ACTR3: variants seen among roughly 807,000 people sequenced by gnomAD.
ACTR3 encodes the protein actin-related protein 3.
ACTR3 carries 12 observed loss-of-function variants against 56.8 expected under a neutral mutation model. That is an observed-to-expected ratio of 0.21 (90% CI 0.14 to 0.34). The LOEUF (loss-of-function observed/expected upper bound fraction) is 0.34, where lower values mean the gene tolerates loss of function less well. Ranked by LOEUF, ACTR3 falls within the 10% of genes least tolerant of loss-of-function variation. ACTR3 has a pLI of 1.00. For missense variants in ACTR3, 282 were observed against 512.5 expected (o/e 0.55, Z 4.34); for synonymous variants, 162 against 167.4 (o/e 0.97, Z 0.25).
chr2:113,916,877 T>A lies in ACTR3; in HGVS notation c.101-7T>A. ...GAATTCTTTGACATGTCTAACTTAT[T>A]TTAAAGGTATTGCTATTAAGGAGTC... On this transcript the variant is annotated splice_polypyrimidine_tract_variant and splice_region_variant and intron_variant, in intron 2 of 11. Coordinates refer to ENST00000263238, the MANE Select transcript of ACTR3 (RefSeq NM_005721.5). 1 of 1,591,520 alleles carries A rather than the reference T, an allele frequency of 6.3e-7. No homozygotes were observed. Among genetic ancestry groups the A allele is most frequent in the Non-Finnish European group, 8.5e-7 (1 of 1,169,592 alleles).
intron 4 of ACTR3, among the ~76,000 whole-genome samples, chr2:113,928,248 A>G (rs949627191): frequency 6.6e-6 from 1 of 152,124 alleles, no homozygotes; most frequent in Non-Finnish European, 1.5e-5. Flanking sequence ...GAACCATACT[A>G]TGGACACTCA....
intron 3 of ACTR3, among the ~76,000 whole-genome samples, chr2:113,921,713 G>GA (rs1018665164): frequency 6.6e-6 from 1 of 152,174 alleles, no homozygotes; most frequent in African/African-American, 2.4e-5. Flanking sequence ...GTAGAGAGGA[G>GA]AAAATAAGTT....
intron 8 of ACTR3, among the ~76,000 whole-genome samples, chr2:113,948,833 C>T (rs993142731): frequency 2.0e-5 from 3 of 151,568 alleles, no homozygotes; most frequent in Non-Finnish European, 2.9e-5. Context: ...TCTGAAGTGT[C>T]TTTTACATCC....
intron 1 of ACTR3, chr2:113,890,608 G>C (rs950127526): frequency 2.3e-6 from 3 of 1,309,670 alleles, no homozygotes; most frequent in Non-Finnish European, 2.9e-6. Context: ...ACTACGGTGG[G>C]CAGCGCCGCC....
intron 6 of ACTR3, among the ~76,000 whole-genome samples, chr2:113,938,640 C>T (rs1679869911): frequency 6.6e-6 from 1 of 152,104 alleles, no homozygotes; most frequent in Non-Finnish European, 1.5e-5. Context: ...CTATTTCTGG[C>T]TATGTGTGAG....
At position 113,961,173 on chromosome 2, in the gene ACTR3, GAT is replaced by G. The variant is rs1680318476; in HGVS notation, c.*3721_*3722del. ...CTTTTCCACGTAATTTGTTTTCTAT[GAT>G]ATGAGAACTTTTATTATAATTTGCC... On this transcript the variant is annotated 3_prime_UTR_variant, in exon 12 of 12. Coordinates refer to ENST00000263238, the MANE Select transcript of ACTR3 (RefSeq NM_005721.5). 1 of 151,892 alleles carries G rather than the reference GAT, an allele frequency of 6.6e-6. No individual in the cohort carries two copies. The highest frequency in any genetic ancestry group is 6.6e-5 in the Admixed American group (1 of 15,206). The allele number at this position is 151,892 out of a possible 1,614,324, so 9.4% of individuals were successfully genotyped here.
At chr2:113,901,527 A>G (rs1222491771) in intron 1 of ACTR3, among the ~76,000 whole-genome samples, 1 of 152,244 alleles carries the variant, frequency 6.6e-6, no homozygotes, top group East Asian at 1.9e-4. Flanking sequence ...ACATAAAATT[A>G]TATAAGATGT....
At chr2:113,950,849 T>G (rs2104628235) in intron 8 of ACTR3, 1 of 152,836 alleles carries the variant, frequency 6.5e-6, no homozygotes, top group East Asian at 1.9e-4. Flanking sequence ...TTAATTGGAC[T>G]TATGGTTCCA....
intron 6 of ACTR3, among the ~76,000 whole-genome samples, chr2:113,939,605 C>T (rs1282853032): frequency 6.6e-6 from 1 of 152,154 alleles, no homozygotes. Context: ...TGTCACATTT[C>T]TTATGAAGCA....
intron 3 of ACTR3, among the ~76,000 whole-genome samples, chr2:113,920,985 A>G (rs1335086883): frequency 6.6e-6 from 1 of 152,204 alleles, no homozygotes; most frequent in Admixed American, 6.5e-5. Context: ...TATATACCCA[A>G]TAGTAGGATG....
At chr2:113,928,360 C>T (rs777323495) in intron 4 of ACTR3, among the ~76,000 whole-genome samples, 1 of 152,176 alleles carries the variant, frequency 6.6e-6, no homozygotes, top group Non-Finnish European at 1.5e-5. Context: ...TAAATCACTT[C>T]AAAGTGAGTT....
At chr2:113,943,176 G>A (rs1679955949) in intron 8 of ACTR3, among the ~76,000 whole-genome samples, 1 of 152,236 alleles carries the variant, frequency 6.6e-6, no homozygotes, top group Admixed American at 6.5e-5. Context: ...GGAACAAAGA[G>A]CATGTAAGTC....
intron 8 of ACTR3, among the ~76,000 whole-genome samples, chr2:113,947,582 A>T (rs981669789): frequency 1.3e-5 from 2 of 152,212 alleles, no homozygotes; most frequent in Non-Finnish European, 2.9e-5. Context: ...TGAGCCCAGG[A>T]GGTCCAGGCT....
rs552119185 is a variant in ACTR3, at chr2:113,920,279, A to G, written c.225+3271A>G. On this transcript the variant is annotated intron_variant, in intron 3 of 11. Coordinates refer to ENST00000263238, the MANE Select transcript of ACTR3 (RefSeq NM_005721.5). Reference sequence around the variant, plus strand: ...CCTTCTGTTGCCCATGCTCGTCTCAAACTCCTGGGCTCAAGTGACCCTCCC... The same window carrying G: ...CCTTCTGTTGCCCATGCTCGTCTCAGACTCCTGGGCTCAAGTGACCCTCCC... Among the ~76,000 whole-genome samples the G allele has an allele frequency of 2.8e-4, 43 of 152,246 alleles. No homozygotes were observed. In the South Asian group the frequency reaches 8.5e-3, roughly 30 times the overall value.
chr2:113,922,152 G>GT (rs1420023189), intron 3 of ACTR3, among the ~76,000 whole-genome samples: 3 of 152,268 alleles, frequency 2.0e-5, no homozygotes, highest in Non-Finnish European at 4.4e-5. Flanking sequence ...AAAAGTAACA[G>GT]TAAGAGTACT....
rs192763406 is a variant in ACTR3 at position 113,901,922 on chromosome 2, C to G, written c.45-11250C>G. Among the ~76,000 whole-genome samples the G allele has an allele frequency of 1.7e-4, 26 of 152,206 alleles. 1 individual carries two copies. In the East Asian group the frequency reaches 3.3e-3, roughly 19 times the overall value. On this transcript the variant is annotated intron_variant, in intron 1 of 11. Coordinates refer to ENST00000263238, the MANE Select transcript of ACTR3 (RefSeq NM_005721.5). ...CAATTTGTAAAATTAAAAATAATAT[C>G]CAAGGCAAAGGATGTTAATGCTTTT...
chr2:113,891,283 TATCTTGA>T (rs1678889645), intron 1 of ACTR3, among the ~76,000 whole-genome samples: 1 of 152,192 alleles, frequency 6.6e-6, no homozygotes, highest in Admixed American at 6.5e-5. Context: ...TCTGTGATGG[TATCTTGA>T]AGGAAGCAGG....
At chr2:113,939,086 C>G (rs943972056) in intron 6 of ACTR3, among the ~76,000 whole-genome samples, 1 of 151,138 alleles carries the variant, frequency 6.6e-6, no homozygotes. Flanking sequence ...TGCAGTGGTG[C>G]GATCTCGACT....
Position 113,934,382 on chromosome 2 carries a change from C to T in ACTR3, c.536C>T (p.Pro179Leu). 6.3e-7 allele frequency: 1 copy of T among 1,575,404 alleles called. No homozygotes were observed. Among genetic ancestry groups the T allele is most frequent in the Non-Finnish European group, 8.6e-7 (1 of 1,161,292 alleles). The change falls in exon 6 of 12, where the codon CCT (proline) becomes CTT (leucine). Residue 179 changes from proline to leucine, a missense_variant. Pro to Leu is a moderately conservative substitution (Grantham distance 98). Transcript: ENST00000263238. Reference protein sequence around the residue: ...DSGDGVTHVIPVAEGYVIGSC... With the variant: ...DSGDGVTHVILVAEGYVIGSC... Reference sequence around the variant, plus strand: ...GGAGATGGTGTCACTCATGTCATTCCTGTGGTAAGGCTATTTTACAGTTAC... The same window carrying T: ...GGAGATGGTGTCACTCATGTCATTCTTGTGGTAAGGCTATTTTACAGTTAC...
Sources: gnomAD v4.1 joint callset for allele counts (sites outside exome capture counted in the v4.1 genomes callset) on GRCh38, gnomAD v4.1.1 for gene constraint, MANE v1.5 for transcripts, NCBI Gene and HGNC (gene_info 2026-07-23, HGNC 2026-07-21) for gene names.